ATXN7L1: variants seen among roughly 807,000 people sequenced by gnomAD.
The protein encoded by ATXN7L1 is ataxin 7 like 1.
ATXN7L1 carries 15 observed loss-of-function variants against 70.8 expected under a neutral mutation model. The ratio of observed to expected loss-of-function variants is 0.21; its 90% CI spans 0.14 to 0.33. The LOEUF (loss-of-function observed/expected upper bound fraction) is 0.33. Among genes scored for constraint, ATXN7L1 ranks in the 10% least tolerant of loss-of-function variants. ATXN7L1 has a pLI of 1.00. For synonymous variants in ATXN7L1, 440 were observed against 445.1 expected (o/e 0.99, Z 0.14); for missense variants, 975 against 1,097.1 (o/e 0.89, Z 1.57).
intron 3 of ATXN7L1, among the ~76,000 whole-genome samples, chr7:105,667,308 C>T (rs886071046): frequency 3.3e-5 from 5 of 152,136 alleles, no homozygotes; most frequent in Admixed American, 3.3e-4. Flanking sequence ...GGCCTACCTG[C>T]CTCTCAGGAA....
intron 3 of ATXN7L1, among the ~76,000 whole-genome samples, chr7:105,782,614 G>A (rs1028627324): frequency 3.9e-5 from 6 of 152,202 alleles, no homozygotes; most frequent in Non-Finnish European, 8.8e-5. Context: ...AGCCCTGGGC[G>A]GGGGGCTCCA....
chr7:105,732,821 C>T (rs1796727081), intron 3 of ATXN7L1, among the ~76,000 whole-genome samples: 1 of 152,200 alleles, frequency 6.6e-6, no homozygotes, highest in South Asian at 2.1e-4. Flanking sequence ...TCACGCTGGG[C>T]TCATAGCTGT....
chr7:105,686,692 G>C (rs1375203272), intron 3 of ATXN7L1, among the ~76,000 whole-genome samples: 4 of 152,180 alleles, frequency 2.6e-5, no homozygotes, highest in Non-Finnish European at 4.4e-5. Flanking sequence ...GTAATGTATT[G>C]CATATCATAT....
Position 105,732,066 on chromosome 7 carries a change from G to A in ATXN7L1, c.355+56538C>T, listed in dbSNP as rs150963972. ...TGAGATTGTGACACTGTACTCCAGCGTGGGGGACAAAGTGAAACTCTGTCT... is the reference window on the plus strand; with the variant it reads ...TGAGATTGTGACACTGTACTCCAGCATGGGGGACAAAGTGAAACTCTGTCT... On this transcript the variant is annotated intron_variant, in intron 3 of 11. Coordinates refer to ENST00000419735, the MANE Select transcript of ATXN7L1 (RefSeq NM_020725.2). Among the ~76,000 whole-genome samples, 1,028 of 152,082 alleles carry A rather than the reference G, an allele frequency of 6.8e-3. 11 individuals carry two copies. The highest frequency in any genetic ancestry group is 0.024 in the African/African-American group (978 of 41,484).
At chr7:105,675,919 C>T (rs1804580665) in intron 3 of ATXN7L1, among the ~76,000 whole-genome samples, 1 of 150,526 alleles carries the variant, frequency 6.6e-6, no homozygotes, top group African/African-American at 2.4e-5. Context: ...TTCCTTGGCA[C>T]CTACCATGTG....
At chr7:105,697,272 C>G (rs1791847343) in intron 3 of ATXN7L1, among the ~76,000 whole-genome samples, 1 of 152,082 alleles carries the variant, frequency 6.6e-6, no homozygotes, top group African/African-American at 2.4e-5. Flanking sequence ...TGGAGTCTAT[C>G]TCACCGCTGC....
At chr7:105,781,475 A>G (rs1373564843) in intron 3 of ATXN7L1, among the ~76,000 whole-genome samples, 1 of 152,218 alleles carries the variant, frequency 6.6e-6, no homozygotes, top group Non-Finnish European at 1.5e-5. Flanking sequence ...CTGTGCACAC[A>G]CACAGAGCAT....
intron 3 of ATXN7L1, among the ~76,000 whole-genome samples, chr7:105,771,619 TC>T (rs1802022504): frequency 1.3e-5 from 2 of 152,132 alleles, no homozygotes. Flanking sequence ...GTGCCTCTAA[TC>T]CCCTATGAAT....
intron 3 of ATXN7L1, among the ~76,000 whole-genome samples, chr7:105,692,448 T>TCCCTC (rs1563010140): frequency 1.1e-5 from 1 of 87,358 alleles, no homozygotes; most frequent in Non-Finnish European, 2.3e-5. Context: ...CTCCCTCCCT[T>TCCCTC]CCTTCCTTCT....
chr7:105,804,321 G>A (rs755169892), intron 2 of ATXN7L1, among the ~76,000 whole-genome samples: 90 of 152,286 alleles, frequency 5.9e-4, no homozygotes, highest in Non-Finnish European at 1.0e-3. Context: ...ATTAAGAAGG[G>A]ACTCCTGAGA....
chr7:105,787,061 T>TACCACC (rs144476823), intron 3 of ATXN7L1, among the ~76,000 whole-genome samples: 95,227 of 151,542 alleles, frequency 0.63, 32,073 homozygotes, highest in African/African-American at 0.89. Context: ...CAGCTGGTGG[T>TACCACC]ACCAGCTGAC....
intron 2 of ATXN7L1, among the ~76,000 whole-genome samples, chr7:105,823,915 A>G (rs1810496971): frequency 6.6e-6 from 1 of 152,126 alleles, no homozygotes; most frequent in Non-Finnish European, 1.5e-5. Context: ...GGCAGGGGTA[A>G]TGTGAGGGGA....
intron 2 of ATXN7L1, chr7:105,819,904 G>A (rs1809857568): frequency 3.7e-5 from 20 of 541,164 alleles, no homozygotes; most frequent in South Asian, 2.8e-4. Flanking sequence ...TGCCTACGTG[G>A]GGCGCCTGGC....
chr7:105,697,489 C>T (rs746931563), intron 3 of ATXN7L1, among the ~76,000 whole-genome samples: 3 of 152,208 alleles, frequency 2.0e-5, no homozygotes, highest in South Asian at 2.1e-4. Context: ...CTCTCTTACT[C>T]TCTGAACAAT....
chr7:105,676,346 A>G (rs1268041524), intron 3 of ATXN7L1, among the ~76,000 whole-genome samples: 2 of 152,172 alleles, frequency 1.3e-5, no homozygotes, highest in East Asian at 3.9e-4. Context: ...CACAGGAGTC[A>G]CCACAGCTTT....
intron 8 of ATXN7L1, among the ~76,000 whole-genome samples, chr7:105,622,702 C>T (rs957793063): frequency 4.6e-5 from 7 of 152,184 alleles, no homozygotes; most frequent in African/African-American, 1.2e-4. Flanking sequence ...ATTGATCCGG[C>T]GGGGGCATGT....
intron 3 of ATXN7L1, among the ~76,000 whole-genome samples, chr7:105,703,245 C>T (rs1437917474): frequency 1.3e-5 from 2 of 148,536 alleles, no homozygotes; most frequent in African/African-American, 2.5e-5. Context: ...GCAGAGGTTG[C>T]GGTGAGCCGA....
intron 3 of ATXN7L1, among the ~76,000 whole-genome samples, chr7:105,701,000 T>A (rs1026369639): frequency 1.3e-5 from 2 of 152,210 alleles, no homozygotes; most frequent in Non-Finnish European, 2.9e-5. Context: ...TTATTATTTA[T>A]AGCTCCTCCT....
intron 4 of ATXN7L1, among the ~76,000 whole-genome samples, chr7:105,652,136 G>C (rs1799940827): frequency 1.3e-5 from 2 of 152,086 alleles, no homozygotes; most frequent in South Asian, 4.1e-4. Flanking sequence ...GATAAAAAAG[G>C]AAAAATCGAG....
Sources: allele counts gnomAD v4.1 joint callset (sites outside exome capture counted in the v4.1 genomes callset), GRCh38; gene constraint gnomAD v4.1.1; transcripts MANE v1.5; gene names NCBI Gene and HGNC (gene_info 2026-07-23, HGNC 2026-07-21).